PIGG: variants seen among roughly 807,000 people sequenced by gnomAD.
PIGG encodes the protein GPI ethanolamine phosphate transferase 2, catalytic subunit.
PIGG carries 70 observed loss-of-function variants against 83.2 expected under a neutral mutation model. That is an observed-to-expected ratio of 0.84 (90% CI 0.69 to 1.03). PIGG has a LOEUF of 1.03. PIGG is among the 50% of genes least tolerant of loss of function. The pLI is 0.00. For synonymous variants in PIGG, 532 were observed against 519.5 expected (o/e 1.02, Z -0.33); for missense variants, 1,257 against 1,233.6 (o/e 1.02, Z -0.28).
intron 8 of PIGG, chr4:522,252 C>T (rs192567048): frequency 3.8e-5 from 22 of 575,774 alleles, no homozygotes; most frequent in Admixed American, 9.0e-5. Context: ...CAAGCCCCCC[C>T]GCTGAGGGGG....
chr4:538,061 C>CCAGA (rs57722182), intron 12 of PIGG, among the ~76,000 whole-genome samples: 4,193 of 114,338 alleles, frequency 0.037, 258 homozygotes, highest in African/African-American at 0.14. Context: ...ACCCACACAC[C>CCAGA]CACACACACG....
rs777851564 is a variant in PIGG at position 523,737 on chromosome 4, G to A, written c.1893G>A (p.Leu631=). The part of the protein sequence containing the change: ...AWQDGPGCDV[L]ERDKGHGSPS... The stretch of plus-strand genomic sequence containing the variant: ...AGGACGGGCCTGGCTGTGATGTCCT[G>A]GAGCGAGACAAAGGCCACGGAAGCC... The change falls in exon 9 of 13, where the codon CTG becomes CTA. Residue 631 remains leucine, a synonymous_variant. Transcript: ENST00000453061. The A allele has an allele frequency of 1.2e-6, 2 of 1,614,062 alleles. No individual in the cohort carries two copies. The highest frequency in any genetic ancestry group is 8.5e-7 in the Non-Finnish European group (1 of 1,180,042).
chr4:523,504 A>C lies in PIGG; in HGVS notation c.1660A>C (p.Ile554Leu). 6.2e-7 allele frequency: 1 copy of C among 1,614,054 alleles called. No homozygotes were observed. The highest frequency in any genetic ancestry group is 1.1e-5 in the South Asian group (1 of 91,076). ...SSRWSELDLL[I>L]LLGTAGHVLS... ...AAGGTGGTCAGAGCTAGACCTTCTT[A>C]TTCTGTTGGGGACGGCGGGCCACGT... is the stretch of plus-strand genomic sequence containing the variant. The change falls in exon 9 of 13, where the codon ATT becomes CTT. Residue 554 changes from isoleucine (I) to leucine (L), a missense_variant. Ile to Leu is a conservative substitution (Grantham distance 5). Coordinates refer to ENST00000453061, the MANE Select transcript of PIGG (RefSeq NM_001127178.3).
chr4:508,576 C>T (rs1720728011), intron 4 of PIGG, among the ~76,000 whole-genome samples: 2 of 152,318 alleles, frequency 1.3e-5, no homozygotes, highest in South Asian at 2.1e-4. Context: ...AGATACAAAC[C>T]GTCTGCCATC....
intron 11 of PIGG, chr4:532,932 A>G (rs1039515367): frequency 7.9e-5 from 12 of 152,126 alleles, no homozygotes; most frequent in Non-Finnish European, 1.5e-4. Flanking sequence ...GGGGCCTAGG[A>G]GTGGAAGGGT....
chr4:507,943 G>A (rs1293324403), intron 4 of PIGG, among the ~76,000 whole-genome samples: 4 of 151,952 alleles, frequency 2.6e-5, no homozygotes, highest in African/African-American at 9.7e-5. Context: ...TCTGTTCTGT[G>A]TCACTCTCTC....
intron 8 of PIGG, among the ~76,000 whole-genome samples, 160 bp from the exon 9 acceptor site, chr4:523,299 A>G (rs1726566390): frequency 6.6e-6 from 1 of 152,056 alleles, no homozygotes; most frequent in Non-Finnish European, 1.5e-5. Context: ...CTGCCGTTGG[A>G]GCAGAAGGGG....
At chr4:518,321 T>C (rs1467895217) in intron 6 of PIGG, among the ~76,000 whole-genome samples, 1 of 152,202 alleles carries the variant, frequency 6.6e-6, no homozygotes, top group Non-Finnish European at 1.5e-5. Flanking sequence ...TGGCCAGGTG[T>C]GGTGGCTCAC....
intron 10 of PIGG, chr4:527,479 C>A: frequency 7.9e-7 from 1 of 1,264,132 alleles, no homozygotes; most frequent in Non-Finnish European, 9.9e-7. Flanking sequence ...GGAGACAAAT[C>A]ACTTGGAAGT....
intron 12 of PIGG, among the ~76,000 whole-genome samples, chr4:537,804 G>T (rs531946047): frequency 6.6e-6 from 1 of 152,300 alleles, no homozygotes; most frequent in South Asian, 2.1e-4. Flanking sequence ...GGGAGCCGGT[G>T]GGGGGCTGAG....
At chr4:521,366 T>C (rs1335295541) in intron 7 of PIGG, 93 bp downstream of exon 7, 3 of 812,830 alleles carry the variant, frequency 3.7e-6, no homozygotes, top group Admixed American at 2.9e-5. Context: ...ATAGGTGTTA[T>C]TAAAAATGGG....
Position 528,468 on chromosome 4 carries a change from G to A in PIGG, c.2261+1238G>A. 1 of 985,384 alleles carries A rather than the reference G, an allele frequency of 1.0e-6. No individual in the cohort carries two copies. The highest frequency in any genetic ancestry group is 1.2e-6 in the Non-Finnish European group (1 of 829,904). 61.0% of individuals were successfully genotyped at this position (985,384 alleles called of 1,614,324 possible). On this transcript the variant is annotated intron_variant, in intron 10 of 12. Coordinates refer to ENST00000453061, the MANE Select transcript of PIGG (RefSeq NM_001127178.3). This position sits in a 1 kb window ranked among gnomAD's most constrained non-coding sequence, Gnocchi z 4.8. The stretch of plus-strand genomic sequence containing the variant: ...GCACCCCTGGAAGTACTTCCTGGCT[G>A]AGTGGGGAGTAAGGGGTGGGAGTTA...
chr4:509,316 T>C (rs1243926498), intron 5 of PIGG, among the ~76,000 whole-genome samples: 2 of 152,194 alleles, frequency 1.3e-5, no homozygotes, highest in Non-Finnish European at 2.9e-5. Flanking sequence ...TTTGCATTAT[T>C]GTAAACCATC....
At chr4:530,256 G>A (rs1475008814) in intron 10 of PIGG, among the ~76,000 whole-genome samples, 180 bp from the exon 11 acceptor site, 2 of 152,122 alleles carry the variant, frequency 1.3e-5, no homozygotes, top group African/African-American at 2.4e-5. Context: ...GCTGTGCGGA[G>A]GAGACATGCC....
rs906742366 is a variant in PIGG at position 515,152 on chromosome 4, C to A, written c.902-821C>A. ...CCTGAGTATCTAAAGACACCTCACGCACCACCTATCCTGAGTAGCCGTCCC... is the reference window on the plus strand; with the variant it reads ...CCTGAGTATCTAAAGACACCTCACGAACCACCTATCCTGAGTAGCCGTCCC... On this transcript the variant is annotated intron_variant, in intron 5 of 12. Coordinates refer to ENST00000453061, the MANE Select transcript of PIGG (RefSeq NM_001127178.3). The surrounding 1 kb of genome is among the most constrained non-coding windows in gnomAD (Gnocchi z 4.2). Among the ~76,000 whole-genome samples the A allele has an allele frequency of 6.6e-6, 1 of 152,270 alleles. No homozygotes were observed. The highest frequency in any genetic ancestry group is 1.5e-5 in the Non-Finnish European group (1 of 68,046).
chr4:539,743 AG>A lies in PIGG; in HGVS notation c.*377del. ...GCTCTTAGAATCCTACAAACCACTGAGGGCCCCAAGGCGCTTTGGTTTATGA... is the reference window on the plus strand; with the variant it reads ...GCTCTTAGAATCCTACAAACCACTGAGGCCCCAAGGCGCTTTGGTTTATGA... On this transcript the variant is annotated 3_prime_UTR_variant, in exon 13 of 13. Coordinates refer to ENST00000453061, the MANE Select transcript of PIGG (RefSeq NM_001127178.3). The A allele has an allele frequency of 5.7e-6, 1 of 176,086 alleles. No individual in the cohort carries two copies. Among genetic ancestry groups the A allele is most frequent in the South Asian group, 1.7e-4 (1 of 5,954 alleles). 10.9% of individuals were successfully genotyped at this position (176,086 alleles called of 1,614,324 possible).
rs782098220 is a variant in PIGG, at chr4:500,615, A to G, written c.360+14A>G. 2.9e-5 allele frequency: 44 copies of G among 1,522,490 alleles called. No homozygotes were observed. The highest frequency in any genetic ancestry group is 3.8e-5 in the Non-Finnish European group (42 of 1,096,744). The allele number at this position is 1,522,490 out of a possible 1,614,324, so 94.3% of individuals were successfully genotyped here. A position where few individuals can be genotyped will look rare whatever the true frequency, so the allele number is the denominator to read the frequency against. On this transcript the variant is annotated intron_variant, in intron 2 of 12. Transcript: ENST00000453061. Reference sequence around the variant, plus strand: ...CCTCGAATCAAGGTAAGTTTGCCTTAATGTTTTATGAATCATGGTTTGGCT... The same window carrying G: ...CCTCGAATCAAGGTAAGTTTGCCTTGATGTTTTATGAATCATGGTTTGGCT...
intron 5 of PIGG, among the ~76,000 whole-genome samples, chr4:513,460 G>T (rs912753164): frequency 6.6e-6 from 1 of 152,148 alleles, no homozygotes; most frequent in African/African-American, 2.4e-5. Context: ...GGCAGTACAG[G>T]TCTGGCCACT....
chr4:526,801 G>T (rs1157113272), intron 9 of PIGG: 1 of 557,888 alleles, frequency 1.8e-6, no homozygotes. Flanking sequence ...TTCCGCATTG[G>T]CATCCTAAAG....
Sources: gnomAD v4.1 joint callset for allele counts (sites outside exome capture counted in the v4.1 genomes callset) on GRCh38, gnomAD v4.1.1 for gene constraint, Gnocchi (gnomAD v3.1) non-coding constraint, MANE v1.5 for transcripts, NCBI Gene and HGNC (gene_info 2026-07-23, HGNC 2026-07-21) for gene names.